Variants in WBP4 observed in about 807,000 individuals in gnomAD.
The protein encoded by WBP4 is WW domain-binding protein 4.
Under a neutral mutation model 55.4 loss-of-function variants are expected in WBP4, and 37 were observed. That is an observed-to-expected ratio of 0.67 (90% confidence interval 0.51 to 0.88). The LOEUF is 0.88. WBP4 is among the 40% of genes least tolerant of loss of function. The pLI is 0.00. For missense variants in WBP4, 398 were observed against 420.8 expected (o/e 0.95, Z 0.47); for synonymous variants, 142 against 140.2 (o/e 1.01, Z -0.09).
intron 1 of WBP4, 28 bp downstream of exon 1, chr13:41,061,703 C>T: frequency 6.2e-7 from 1 of 1,613,906 alleles, no homozygotes; most frequent in Non-Finnish European, 8.5e-7. Flanking sequence ...CCCTGAACAA[C>T]GAGGTGTTGT....
intron 1 of WBP4, chr13:41,062,116 T>G (rs1298988474): frequency 1.8e-5 from 18 of 974,210 alleles, no homozygotes; most frequent in Non-Finnish European, 2.2e-5. Context: ...TTTTTTTTTT[T>G]TTTTTTTTGT....
intron 2 of WBP4, among the ~76,000 whole-genome samples, chr13:41,063,371 A>G (rs553341626): frequency 1.3e-5 from 2 of 152,210 alleles, no homozygotes; most frequent in Non-Finnish European, 2.9e-5. Context: ...TTTACTTGGC[A>G]AAGTTGGATG....
chr13:41,062,582 A>G lies in WBP4; in HGVS notation c.3-62A>G, dbSNP rs565807126. On this transcript the variant is annotated intron_variant, in intron 1 of 9. Coordinates refer to ENST00000379487, the MANE Select transcript of WBP4 (RefSeq NM_007187.5). ...TTTCAAACTTTAAAAACTGTAAAGC[A>G]TGCAGAATTTAACCTTTTTTAAGTT... is the stretch of plus-strand genomic sequence containing the variant. The G allele has an allele frequency of 6.8e-6, 10 of 1,472,034 alleles. No homozygotes were observed. The East Asian group carries it at 2.3e-4, about 34-fold the overall frequency. 91.2% of individuals were successfully genotyped at this position (1,472,034 alleles called of 1,614,324 possible).
At chr13:41,064,317 A>G (rs979557113) in intron 2 of WBP4, among the ~76,000 whole-genome samples, 1 of 152,118 alleles carries the variant, frequency 6.6e-6, no homozygotes, top group African/African-American at 2.4e-5. Flanking sequence ...TGGATACCGT[A>G]TTGTTATTGC....
At chr13:41,075,534 A>G (rs1041226199) in intron 7 of WBP4, among the ~76,000 whole-genome samples, 1 of 152,148 alleles carries the variant, frequency 6.6e-6, no homozygotes, top group East Asian at 1.9e-4. Flanking sequence ...GGAATATGGC[A>G]TGATGCCTGC....
intron 4 of WBP4, among the ~76,000 whole-genome samples, chr13:41,066,192 G>T (rs989402356): frequency 6.6e-6 from 1 of 152,160 alleles, no homozygotes; most frequent in Non-Finnish European, 1.5e-5. Flanking sequence ...ATAGATGAGA[G>T]TCCAACTATT....
intron 9 of WBP4, among the ~76,000 whole-genome samples, chr13:41,081,237 G>T (rs781413820): frequency 1.3e-5 from 2 of 151,290 alleles, no homozygotes; most frequent in South Asian, 2.1e-4. Flanking sequence ...GGTGGCTCAC[G>T]CCTGTAATCC....
In WBP4 at chr13:41,080,806, C is replaced by T. The variant is rs189936007; in HGVS notation, c.917C>T (p.Ser306Phe). ...EWQEIKQEVE[S>F]HEEVDLELPS... ...CAAGAAATTAAACAAGAGGTTGAGT[C>T]TCAGTAAGTACCTGGAGCTTTAATC... Residue 306 changes from serine to phenylalanine, a missense_variant, in exon 9 of 10, where the codon TCT (serine) becomes TTT (phenylalanine). By Grantham distance (155) the Ser-to-Phe change is radical. Transcript: ENST00000379487. 2 of 1,605,584 alleles carry T rather than the reference C, an allele frequency of 1.2e-6. No individual in the cohort carries two copies. Among genetic ancestry groups the T allele is most frequent in the Non-Finnish European group, 1.7e-6 (2 of 1,178,152 alleles).
chr13:41,062,149 G>C, intron 1 of WBP4: 1 of 921,456 alleles, frequency 1.1e-6, no homozygotes, highest in Non-Finnish European at 1.3e-6. Flanking sequence ...AAGTCCCATG[G>C]CTTTTCCAGT....
chr13:41,076,859 G>T (rs971144071), intron 8 of WBP4, among the ~76,000 whole-genome samples: 8 of 152,148 alleles, frequency 5.3e-5, no homozygotes, highest in Non-Finnish European at 1.0e-4. Context: ...CTTAGAGTAA[G>T]GGTTATGTGC....
At chr13:41,073,417 A>T (rs1878336839) in intron 7 of WBP4, among the ~76,000 whole-genome samples, 1 of 151,940 alleles carries the variant, frequency 6.6e-6, no homozygotes, top group Admixed American at 6.6e-5. Flanking sequence ...TGGGAGGCTG[A>T]GACAGGAGAA....
chr13:41,079,390 T>C (rs1227793142), intron 8 of WBP4, among the ~76,000 whole-genome samples: 6 of 151,832 alleles, frequency 4.0e-5, no homozygotes, highest in Admixed American at 6.6e-5. Flanking sequence ...ACCAACATGG[T>C]GAAACCCCAT....
chr13:41,082,323 G>A (rs1045573462), intron 9 of WBP4, among the ~76,000 whole-genome samples: 6 of 152,016 alleles, frequency 3.9e-5, no homozygotes, highest in Non-Finnish European at 8.8e-5. Context: ...ATGTTACCCA[G>A]GCGCATCTCG....
At chr13:41,068,432 A>G in intron 4 of WBP4, 129 bp from the exon 5 acceptor site, 1 of 832,130 alleles carries the variant, frequency 1.2e-6, no homozygotes, top group East Asian at 2.9e-5. Context: ...AATGAACTTT[A>G]TAATAATGTG....
Position 41,080,729 on chromosome 13 carries a change from A to C in WBP4, c.840A>C (p.Ser280=), listed in dbSNP as rs776847334. ...TTCAGAAACAGAATTCATTAGGTTCAAATGAAGAAAAATCGAAAACTCTTA... is the reference window on the plus strand; with the variant it reads ...TTCAGAAACAGAATTCATTAGGTTCCAATGAAGAAAAATCGAAAACTCTTA... ...KSIQKQNSLG[S]NEEKSKTLKK... The change falls in exon 9 of 10, where the codon TCA becomes TCC. Residue 280 remains serine (S), a synonymous_variant. Coordinates refer to ENST00000379487, the MANE Select transcript of WBP4 (RefSeq NM_007187.5). 1.2e-6 allele frequency: 2 copies of C among 1,606,506 alleles called. No homozygotes were observed. Among genetic ancestry groups the C allele is most frequent in the East Asian group, 2.2e-5 (1 of 44,864 alleles).
rs575104640 is a variant in WBP4, at chr13:41,065,086, A to G, written c.138+8A>G. 1 of 1,600,786 alleles carries G rather than the reference A, an allele frequency of 6.2e-7. No individual in the cohort carries two copies. The highest frequency in any genetic ancestry group is 1.3e-5 in the African/African-American group (1 of 74,270). On this transcript the variant is annotated splice_region_variant and intron_variant, in intron 3 of 9. Coordinates refer to ENST00000379487, the MANE Select transcript of WBP4 (RefSeq NM_007187.5). ...GCAAAAAGGATCAGTGAGGTAATTT[A>G]GATTGTTTATTTGCTAATTTTTCTA...
intron 4 of WBP4, among the ~76,000 whole-genome samples, chr13:41,067,021 G>A (rs1011907192): frequency 1.3e-5 from 2 of 152,108 alleles, no homozygotes; most frequent in African/African-American, 2.4e-5. Context: ...GACAGGTCTC[G>A]CTCTGTCACC....
At chr13:41,068,456 A>G (rs1352240843) in intron 4 of WBP4, 105 bp from the exon 5 acceptor site, 1 of 1,121,000 alleles carries the variant, frequency 8.9e-7, no homozygotes, top group Non-Finnish European at 1.2e-6. Flanking sequence ...AGTTCTCAAA[A>G]GAACCTTATC....
chr13:41,078,568 C>A (rs772704451), intron 8 of WBP4, among the ~76,000 whole-genome samples: 8 of 152,178 alleles, frequency 5.3e-5, no homozygotes, highest in Non-Finnish European at 1.2e-4. Context: ...TGGCTCACAC[C>A]TGTAATCCCT....
Sources: allele counts gnomAD v4.1 joint callset (sites outside exome capture counted in the v4.1 genomes callset), GRCh38; gene constraint gnomAD v4.1.1; transcripts MANE v1.5; gene names NCBI Gene and HGNC (gene_info 2026-07-23, HGNC 2026-07-21).